Variants in SOS1 observed in about 807,000 individuals in gnomAD.
The protein encoded by SOS1 is son of sevenless homolog 1.
A neutral mutation model predicts 157.6 loss-of-function variants in SOS1; 25 were observed. That is an observed-to-expected ratio of 0.16 (90% CI 0.12 to 0.22). SOS1 has a LOEUF of 0.22. SOS1 is among the 10% of genes least tolerant of loss of function. SOS1 has a pLI of 1.00. For synonymous variants in SOS1, 528 were observed against 534.0 expected, an observed-to-expected ratio of 0.99 and a Z score of 0.16; for missense variants, 1,237 against 1,599.1, an observed-to-expected ratio of 0.77 and a Z score of 3.86.
intron 8 of SOS1, chr2:39,034,880 T>C (rs1166146308): frequency 4.3e-6 from 2 of 470,128 alleles, no homozygotes; most frequent in East Asian, 6.3e-5. Context: ...AAATCCAAGG[T>C]TGTTTTCAAA....
intron 16 of SOS1, among the ~76,000 whole-genome samples, chr2:39,006,826 G>T (rs1226968023): frequency 6.6e-6 from 1 of 152,086 alleles, no homozygotes; most frequent in Non-Finnish European, 1.5e-5. Context: ...TCTAGCTTAG[G>T]CTGGGACCTG....
At position 39,120,662 on chromosome 2, in the gene SOS1, G is replaced by A. The variant is rs1445087952; in HGVS notation, c.-240C>T. On this transcript the variant is annotated 5_prime_UTR_variant, in exon 1 of 23. Coordinates refer to ENST00000402219, the MANE Select transcript of SOS1 (RefSeq NM_005633.4). ...GAACGGACGCGGCCCGGAGGCGGCG[G>A]CATCCCGCACCACCGCCCCGGGGCC... Among the ~76,000 whole-genome samples the A allele has an allele frequency of 1.4e-5, 2 of 147,024 alleles. No homozygotes were observed. Among genetic ancestry groups the A allele is most frequent in the African/African-American group, 2.4e-5 (1 of 40,922 alleles).
chr2:39,088,395 T>A (rs568251128), intron 1 of SOS1, among the ~76,000 whole-genome samples: 1 of 151,304 alleles, frequency 6.6e-6, no homozygotes, highest in African/African-American at 2.4e-5. Flanking sequence ...TTCAGTGACA[T>A]TGTTGTGCAA....
At chr2:39,098,003 T>C (rs1336868152) in intron 1 of SOS1, 2 of 152,300 alleles carry the variant, frequency 1.3e-5, no homozygotes, top group Non-Finnish European at 2.9e-5. Flanking sequence ...ACAGCAAAAC[T>C]AAATTTTAGA....
rs1668859586 is a variant in SOS1, at chr2:38,995,339, T to G, written c.3130A>C (p.Asn1044His). The G allele has an allele frequency of 6.2e-7, 1 of 1,613,836 alleles. No individual in the cohort carries two copies. The highest frequency in any genetic ancestry group is 2.2e-5 in the East Asian group (1 of 44,876). The change falls in exon 20 of 23, where the codon AAC becomes CAC. Residue 1044 changes from asparagine (N) to histidine (H), a missense_variant. By Grantham distance (68) the Asn-to-His change is moderately conservative (BLOSUM62 1). Around this residue, in one of 15 missense-constraint regions of SOS1, gnomAD observed 43 missense variants for 83.0 expected, o/e 0.52. Transcript: ENST00000402219. ...PLKSPGVRPS[N>H]PRPGTMRHPT... ...TGCCTCATGGTACCTGGTCTTGGGT[T>G]TGATGGACGAACACCAGGAGATTTT...
At chr2:39,043,685 G>A (rs1230210825) in intron 6 of SOS1, among the ~76,000 whole-genome samples, 1 of 152,182 alleles carries the variant, frequency 6.6e-6, no homozygotes, top group Non-Finnish European at 1.5e-5. Context: ...TCCTGACGCG[G>A]TGCAGGGCAT....
At chr2:39,024,841 TAAAGA>T (rs1187796782) in intron 8 of SOS1, among the ~76,000 whole-genome samples, 1 of 152,208 alleles carries the variant, frequency 6.6e-6, no homozygotes, top group East Asian at 1.9e-4. Flanking sequence ...ATTAGTATAA[TAAAGA>T]ACTTTGTCCA....
At chr2:39,106,546 C>G (rs1387804467) in intron 1 of SOS1, among the ~76,000 whole-genome samples, 3 of 147,354 alleles carry the variant, frequency 2.0e-5, no homozygotes, top group Non-Finnish European at 3.0e-5. Flanking sequence ...AGCCGAGATC[C>G]CGCCACTGCA....
intron 1 of SOS1, among the ~76,000 whole-genome samples, chr2:39,100,802 C>G (rs1397897389): frequency 6.6e-6 from 1 of 152,068 alleles, no homozygotes; most frequent in East Asian, 1.9e-4. Context: ...ACCTTTAGTC[C>G]TAGCTACTTG....
At chr2:39,043,304 A>G (rs527412526) in intron 6 of SOS1, among the ~76,000 whole-genome samples, 37 of 152,330 alleles carry the variant, frequency 2.4e-4, no homozygotes, top group African/African-American at 8.4e-4. Context: ...AAGAGTAAAC[A>G]TCATAAGATA....
chr2:39,070,220 C>T (rs1671749575), intron 1 of SOS1, among the ~76,000 whole-genome samples: 1 of 152,148 alleles, frequency 6.6e-6, no homozygotes, highest in Non-Finnish European at 1.5e-5. Flanking sequence ...TGCATGCCCC[C>T]AATGGCTTAA....
In SOS1 at chr2:39,022,814, C is replaced by T. The variant is rs1333124172; in HGVS notation, c.1614G>A (p.Met538Ile). The T allele has an allele frequency of 6.2e-7, 1 of 1,613,472 alleles. No individual in the cohort carries two copies. Among genetic ancestry groups the T allele is most frequent in the Admixed American group, 1.7e-5 (1 of 59,974 alleles). ...AKSAEEKNNW[M>I]AALISLQYRS... ...GGTACTGTAAAGATATCAATGCTGC[C>T]ATCCAATTGTTTTTCTCTTCAGCTG... Residue 538 changes from methionine to isoleucine, a missense_variant, in exon 10 of 23, where the codon ATG becomes ATA. This residue lies in a region of SOS1 where 210 missense variants were observed against 220.2 expected (regional missense o/e 0.95). Coordinates refer to ENST00000402219, the MANE Select transcript of SOS1 (RefSeq NM_005633.4).
rs547153702 is a variant in SOS1, at chr2:39,064,733, T to C, written c.213+2895A>G. Among the ~76,000 whole-genome samples, 10 of 135,564 alleles carry C rather than the reference T, an allele frequency of 7.4e-5. No individual in the cohort carries two copies. The East Asian group carries it at 2.1e-3, about 29-fold the overall frequency. 88.9% of individuals were successfully genotyped at this position (135,564 alleles called of 152,430 possible). ...TCTGCTAATTCAGATTGATCTATTT[T>C]TAAAATACATTTTTTTTTTTTTTTT... On this transcript the variant is annotated intron_variant, in intron 2 of 22. Transcript: ENST00000402219.
chr2:39,085,522 G>T (rs999707486), intron 1 of SOS1, among the ~76,000 whole-genome samples: 1 of 152,054 alleles, frequency 6.6e-6, no homozygotes, highest in Non-Finnish European at 1.5e-5. Context: ...CAATTAATTT[G>T]CCCATAACCT....
intron 10 of SOS1, among the ~76,000 whole-genome samples, chr2:39,019,710 A>G (rs1669735402): frequency 6.6e-6 from 1 of 151,668 alleles, no homozygotes; most frequent in Non-Finnish European, 1.5e-5. Context: ...AAACTACATC[A>G]ATAGACTAAT....
In SOS1 at chr2:38,989,334, A is replaced by C. The variant is rs727505382; in HGVS notation, c.3347-20T>G. The C allele has an allele frequency of 7.6e-6, 12 of 1,583,554 alleles. No homozygotes were observed. Among genetic ancestry groups the C allele is most frequent in the Admixed American group, 6.7e-5 (4 of 59,790 alleles). ...CATTGCCTGTGAAAGGAAACAAGAA[A>C]AAGTAGATTTTTTTCTTTCATTGAT... On this transcript the variant is annotated intron_variant, in intron 20 of 22. Coordinates refer to ENST00000402219, the MANE Select transcript of SOS1 (RefSeq NM_005633.4).
At chr2:39,019,943 T>A (rs1040298107) in intron 10 of SOS1, among the ~76,000 whole-genome samples, 4 of 151,458 alleles carry the variant, frequency 2.6e-5, no homozygotes, top group Non-Finnish European at 5.9e-5. Flanking sequence ...ATTTATTTAT[T>A]TTTTTTGAGC....
chr2:39,051,871 G>T (rs561708611), intron 5 of SOS1, among the ~76,000 whole-genome samples: 12 of 152,200 alleles, frequency 7.9e-5, no homozygotes, highest in Non-Finnish European at 1.8e-4. Context: ...GCTTTTCTGT[G>T]TAATTTTTTT....
rs867539471 is a variant in SOS1 at position 39,035,437 on chromosome 2, G to A, written c.928C>T (p.Arg310Cys). Residue 310 changes from arginine (R) to cysteine (C), a missense_variant, in exon 7 of 23, where the codon CGT becomes TGT. Around this residue, in one of 15 missense-constraint regions of SOS1, gnomAD observed 101 missense variants for 171.5 expected, o/e 0.59. Transcript: ENST00000402219. Reference sequence around the variant, plus strand: ...GGCTTTGATAACTGACTAAGGAAACGATCATGAAAACCAGGTCGCAAAATA... The same window carrying A: ...GGCTTTGATAACTGACTAAGGAAACAATCATGAAAACCAGGTCGCAAAATA... Reference protein sequence around the residue: ...RDILRPGFHDRFLSQLSKPGA... With the variant: ...RDILRPGFHDCFLSQLSKPGA... The A allele has an allele frequency of 2.5e-6, 4 of 1,613,638 alleles. No homozygotes were observed. The highest frequency in any genetic ancestry group is 2.7e-5 in the African/African-American group (2 of 74,850).
Sources: allele counts gnomAD v4.1 joint callset (sites outside exome capture counted in the v4.1 genomes callset), GRCh38; gene constraint gnomAD v4.1.1; regional missense constraint gnomAD v4.1.1; transcripts MANE v1.5; gene names NCBI Gene and HGNC (gene_info 2026-07-23, HGNC 2026-07-21).